Variants in KMO observed in about 807,000 individuals in gnomAD.
KMO encodes kynurenine 3-monooxygenase.
Under a neutral mutation model 57.8 loss-of-function variants are expected in KMO, and 24 were observed. The observed-to-expected ratio is 0.42, with a 90% CI of 0.30 to 0.58. The LOEUF (loss-of-function observed/expected upper bound fraction) is 0.58, where lower values mean the gene tolerates loss of function less well. Ranked by LOEUF, KMO falls within the 20% of genes least tolerant of loss-of-function variation. The pLI is 0.22. For synonymous variants in KMO, 210 were observed against 193.6 expected, an observed-to-expected ratio of 1.08 and a Z score of -0.70; for missense variants, 483 against 588.2, an observed-to-expected ratio of 0.82 and a Z score of 1.85.
intron 7 of KMO, among the ~76,000 whole-genome samples, chr1:241,564,643 A>G (rs1444963913): frequency 6.6e-6 from 1 of 152,082 alleles, no homozygotes; most frequent in African/African-American, 2.4e-5. Context: ...AGATATGTGC[A>G]TGTGTGTGTA....
At chr1:241,587,447 T>A (rs1663046623) in intron 11 of KMO, among the ~76,000 whole-genome samples, 1 of 152,048 alleles carries the variant, frequency 6.6e-6, no homozygotes, top group South Asian at 2.1e-4. Context: ...TTTTGCCCTA[T>A]CAAAGATTGC....
chr1:241,587,483 G>A (rs1035771272), intron 11 of KMO, among the ~76,000 whole-genome samples: 1 of 151,850 alleles, frequency 6.6e-6, no homozygotes, highest in Admixed American at 6.6e-5. Context: ...TTTTGAGATG[G>A]AGTCACTCCA....
intron 5 of KMO, 74 bp downstream of exon 5, chr1:241,555,734 T>C: frequency 2.2e-6 from 2 of 897,022 alleles, no homozygotes; most frequent in East Asian, 2.5e-5. Context: ...ATATGATTTA[T>C]TGGATTTGTT....
chr1:241,557,673 A>C (rs1573916678), intron 5 of KMO, among the ~76,000 whole-genome samples: 1 of 152,290 alleles, frequency 6.6e-6, no homozygotes, highest in East Asian at 1.9e-4. Flanking sequence ...CAAGAAAGCA[A>C]ATGAACCAGC....
At chr1:241,538,942 T>C (rs1201895073) in intron 1 of KMO, among the ~76,000 whole-genome samples, 1 of 152,196 alleles carries the variant, frequency 6.6e-6, no homozygotes, top group Non-Finnish European at 1.5e-5. Context: ...ATTTCCCTTC[T>C]GTCCATATTC....
intron 1 of KMO, among the ~76,000 whole-genome samples, chr1:241,538,941 C>T (rs890257939): frequency 6.6e-6 from 1 of 152,202 alleles, no homozygotes; most frequent in African/African-American, 2.4e-5. Context: ...TATTTCCCTT[C>T]TGTCCATATT....
intron 10 of KMO, among the ~76,000 whole-genome samples, chr1:241,577,842 G>A (rs1281624719): frequency 6.6e-6 from 1 of 152,138 alleles, no homozygotes. Context: ...GGTTGGGGGA[G>A]CTCTCAGTGA....
At position 241,548,846 on chromosome 1, in the gene KMO, A is replaced by T; in HGVS notation, c.72A>T (p.Ala24=). ...IGGGLVGSLQ[A]CFLAKRNFQI... is the part of the protein sequence containing the mutation. ...ATTTCTAGGTTGGCTCATTACAAGC[A>T]TGCTTTCTTGCAAAGAGGAATTTCC... Residue 24 remains alanine (A), a synonymous_variant, in exon 2 of 15, where the codon GCA becomes GCT. Transcript: ENST00000366559. The T allele has an allele frequency of 6.3e-7, 1 of 1,599,978 alleles. No homozygotes were observed. Among genetic ancestry groups the T allele is most frequent in the South Asian group, 1.1e-5 (1 of 90,804 alleles).
intron 5 of KMO, among the ~76,000 whole-genome samples, chr1:241,558,061 G>A (rs545315583): frequency 1.3e-5 from 2 of 152,362 alleles, no homozygotes; most frequent in East Asian, 3.9e-4. Flanking sequence ...TGAAATGGAG[G>A]CTTAGAGAGC....
intron 1 of KMO, among the ~76,000 whole-genome samples, chr1:241,533,281 C>T (rs1423291245): frequency 6.6e-6 from 1 of 152,236 alleles, no homozygotes; most frequent in East Asian, 1.9e-4. Context: ...AATCATTTCC[C>T]TATCACCTTT....
rs1490860799 is a variant in KMO, at chr1:241,592,436, C to T, written c.*283C>T. 2.5e-6 allele frequency: 1 copy of T among 401,644 alleles called. No individual in the cohort carries two copies. Among genetic ancestry groups the T allele is most frequent in the South Asian group, 2.7e-5 (1 of 37,724 alleles). 24.9% of individuals were successfully genotyped at this position (401,644 alleles called of 1,614,324 possible). A position where few individuals can be genotyped will look rare whatever the true frequency, so the allele number is the denominator to read the frequency against. The stretch of plus-strand genomic sequence containing the variant: ...ATCCTTCACTTCTCTGAAAGTAAGG[C>T]CCTAGATGCCTCAGGGAAGACAGTA... On this transcript the variant is annotated 3_prime_UTR_variant, in exon 15 of 15. Transcript: ENST00000366559.
At chr1:241,568,732 GACTATCCCC>G (rs1662171121) in intron 10 of KMO, 85 bp downstream of exon 10, 4 of 1,282,430 alleles carry the variant, frequency 3.1e-6, no homozygotes, top group Non-Finnish European at 4.4e-6. Context: ...ATATGTCTAA[GACTATCCCC>G]ACATAATCCC....
In KMO at chr1:241,594,065, G is replaced by A. The variant is rs865878858; in HGVS notation, c.*1912G>A. 1.7e-5 allele frequency: 4 copies of A among 229,908 alleles called. No homozygotes were observed. Among genetic ancestry groups the A allele is most frequent in the African/African-American group, 6.9e-5 (3 of 43,174 alleles). The allele number at this position is 229,908 out of a possible 1,614,324, so 14.2% of individuals were successfully genotyped here. On this transcript the variant is annotated 3_prime_UTR_variant, in exon 15 of 15. Coordinates refer to ENST00000366559, the MANE Select transcript of KMO (RefSeq NM_003679.5). The stretch of plus-strand genomic sequence containing the variant: ...CTAGCTACTTCACACATGTGTACGC[G>A]ACAGTTATTTTTACAGTAAGGTATT...
At chr1:241,579,807 C>T (rs919426500) in intron 10 of KMO, among the ~76,000 whole-genome samples, 1 of 152,114 alleles carries the variant, frequency 6.6e-6, no homozygotes, top group Non-Finnish European at 1.5e-5. Flanking sequence ...CAACCCTGCT[C>T]GAGATTATAT....
chr1:241,552,155 TGTGTGAGTGTGAGTGTGTGTGAGAGA>T (rs1661425791), intron 4 of KMO, among the ~76,000 whole-genome samples: 1 of 136,680 alleles, frequency 7.3e-6, no homozygotes, highest in Non-Finnish European at 1.6e-5. Context: ...TGTCTGTGTG[TGTGTGAGTGTGAGTGTGTGTGAGAGA>T]GAGAGAGAGA....
chr1:241,576,237 G>C (rs765888821), intron 10 of KMO, among the ~76,000 whole-genome samples: 1 of 151,864 alleles, frequency 6.6e-6, no homozygotes, highest in Non-Finnish European at 1.5e-5. Context: ...TTTTTTAAGA[G>C]GAGCATTTCG....
Position 241,580,939 on chromosome 1 carries a change from G to A in KMO, c.958-5740G>A, listed in dbSNP as rs558313715. On this transcript the variant is annotated intron_variant, in intron 10 of 14. Transcript: ENST00000366559. ...GTGAAACTGGGGTGTTAAGTACCCAGCTATTATTGTATTGGGGTCTATCAC... is the reference window on the plus strand; with the variant it reads ...GTGAAACTGGGGTGTTAAGTACCCAACTATTATTGTATTGGGGTCTATCAC... Among the ~76,000 whole-genome samples, 8 of 152,196 alleles carry A rather than the reference G, an allele frequency of 5.3e-5. No homozygotes were observed. The South Asian group carries it at 1.7e-3, about 32-fold the overall frequency.
At chr1:241,537,523 G>C (rs1346489176) in intron 1 of KMO, among the ~76,000 whole-genome samples, 1 of 152,080 alleles carries the variant, frequency 6.6e-6, no homozygotes, top group Non-Finnish European at 1.5e-5. Flanking sequence ...CTCTTGTTTT[G>C]ATACCAAACT....
At chr1:241,588,329 C>CT (rs57587351) in intron 11 of KMO, among the ~76,000 whole-genome samples, 1,936 of 98,354 alleles carry the variant, frequency 0.02, no homozygotes, top group South Asian at 0.028. Context: ...TCTTTTTTTT[C>CT]TTTTTTTTTT....
Sources: gnomAD v4.1 joint callset for allele counts (sites outside exome capture counted in the v4.1 genomes callset) on GRCh38, gnomAD v4.1.1 for gene constraint, MANE v1.5 for transcripts, NCBI Gene and HGNC (gene_info 2026-07-23, HGNC 2026-07-21) for gene names.